SCAMP5: variants seen among roughly 807,000 people sequenced by gnomAD.
SCAMP5 encodes the protein secretory carrier membrane protein 5.
Under a neutral mutation model 28.3 loss-of-function variants are expected in SCAMP5, and 7 were observed. The ratio of observed to expected loss-of-function variants is 0.25; its 90% CI spans 0.14 to 0.46. SCAMP5 has a LOEUF of 0.46. Ranked by LOEUF, SCAMP5 falls within the 20% of genes least tolerant of loss-of-function variation. The pLI is 0.99. For synonymous variants in SCAMP5, 117 were observed against 116.4 expected (o/e 1.00, Z -0.03); for missense variants, 192 against 312.5 (o/e 0.61, Z 2.91).
intron 1 of SCAMP5, among the ~76,000 whole-genome samples, chr15:75,001,372 C>G (rs1318419879): frequency 6.6e-6 from 1 of 151,086 alleles, no homozygotes; most frequent in Non-Finnish European, 1.5e-5. Context: ...CCACAGCTTT[C>G]TGAGTCTGCT....
chr15:75,012,791 A>C lies in SCAMP5; in HGVS notation c.122A>C (p.Tyr41Ser). ...CATGTCAGCATGACCAAGCGCCTCT[A>C]CTACCTCTGGATGTGTGAGTGCCAT... is the stretch of plus-strand genomic sequence containing the variant. ...PQHVSMTKRL[Y>S]YLWMLNSVTL... Residue 41 changes from tyrosine to serine, a missense_variant, in exon 3 of 7, where the codon TAC becomes TCC. Transcript: ENST00000425597. The C allele has an allele frequency of 1.2e-6, 2 of 1,613,990 alleles. No homozygotes were observed. Among genetic ancestry groups the C allele is most frequent in the Non-Finnish European group, 1.7e-6 (2 of 1,179,868 alleles).
intron 1 of SCAMP5, among the ~76,000 whole-genome samples, chr15:75,000,945 C>T (rs2065700643): frequency 6.6e-6 from 1 of 151,936 alleles, no homozygotes; most frequent in African/African-American, 2.4e-5. Context: ...TTTCCCTGGC[C>T]AACTCCCTAT....
At chr15:75,012,238 G>A (rs1318112007) in intron 2 of SCAMP5, among the ~76,000 whole-genome samples, 3 of 152,190 alleles carry the variant, frequency 2.0e-5, no homozygotes, top group Non-Finnish European at 4.4e-5. Flanking sequence ...TTTAGGGACC[G>A]TGTAGCCCAG....
chr15:75,016,850 C>A (rs2065864282), intron 4 of SCAMP5, 101 bp downstream of exon 4: 2 of 1,054,382 alleles, frequency 1.9e-6, no homozygotes, highest in Non-Finnish European at 2.7e-6. Context: ...TTTTTACCCT[C>A]CCCCAAACTC....
In SCAMP5 at chr15:75,018,931, C is replaced by A; in HGVS notation, c.656C>A (p.Pro219His). ...MGAAQGAMNQ[P>H]QTQYSATPNY... is the part of the protein sequence containing the mutation. ...GCAGCCCAGGGTGCCATGAATCAGC[C>A]TCAGACTCAGTATTCCGCCACCCCC... Residue 219 changes from proline to histidine, a missense_variant, in exon 7 of 7, where the codon CCT becomes CAT. Pro to His is a moderately conservative substitution (Grantham distance 77). Transcript: ENST00000425597. The surrounding 1 kb of genome is among the most constrained non-coding windows in gnomAD (Gnocchi z 5.6). The A allele has an allele frequency of 6.4e-7, 1 of 1,560,740 alleles. No individual in the cohort carries two copies. The highest frequency in any genetic ancestry group is 8.6e-7 in the Non-Finnish European group (1 of 1,162,166).
Position 74,999,147 on chromosome 15 carries a change from C to G in SCAMP5, c.-49+3474C>G, listed in dbSNP as rs1049348790. On this transcript the variant is annotated intron_variant, in intron 1 of 6. Coordinates refer to ENST00000425597, the MANE Select transcript of SCAMP5 (RefSeq NM_138967.4). ...ATTGGCATGTGGCCACCTCTGAAAT[C>G]TTAAACTCTAGTATTTCTCTCTGAC... Among the ~76,000 whole-genome samples the G allele has an allele frequency of 7.2e-5, 11 of 152,184 alleles. No homozygotes were observed. In the East Asian group the frequency reaches 2.1e-3, roughly 29 times the overall value.
rs184034426 is a variant in SCAMP5, at chr15:75,010,370, G to T, written c.-48-1422G>T. ...ATCCACTCGGGGTTAAGTGGGCAGG[G>T]AGTCTTCCAATTGCTCCCTTTCCCC... is the stretch of plus-strand genomic sequence containing the variant. On this transcript the variant is annotated intron_variant, in intron 1 of 6. Transcript: ENST00000425597. Among the ~76,000 whole-genome samples, 449 of 152,278 alleles carry T rather than the reference G, an allele frequency of 2.9e-3. 2 individuals are homozygous for T. The highest frequency in any genetic ancestry group is 0.01 in the African/African-American group (425 of 41,552).
Position 75,019,054 on chromosome 15 carries a change from T to A in SCAMP5, c.*71T>A. 8.7e-7 allele frequency: 1 copy of A among 1,149,008 alleles called. No individual in the cohort carries two copies. The highest frequency in any genetic ancestry group is 2.7e-5 in the East Asian group (1 of 37,528). The allele number at this position is 1,149,008 out of a possible 1,614,324, so 71.2% of individuals were successfully genotyped here. ...GGGGCTCAAGCCACATCGTCATTTGTGGTTACCAAGCAGGGTTCCCCCTTC... is the reference window on the plus strand; with the variant it reads ...GGGGCTCAAGCCACATCGTCATTTGAGGTTACCAAGCAGGGTTCCCCCTTC... On this transcript the variant is annotated 3_prime_UTR_variant, in exon 7 of 7. Coordinates refer to ENST00000425597, the MANE Select transcript of SCAMP5 (RefSeq NM_138967.4).
At position 75,019,109 on chromosome 15, in the gene SCAMP5, G is replaced by A. The variant is rs1463742771; in HGVS notation, c.*126G>A. On this transcript the variant is annotated 3_prime_UTR_variant, in exon 7 of 7. Transcript: ENST00000425597. ...TTCTCCTTCCCTACTTTGTACAAAG[G>A]ACCAGAGTTATATATATATATATAT... 1 of 561,312 alleles carries A rather than the reference G, an allele frequency of 1.8e-6. No individual in the cohort carries two copies. Among genetic ancestry groups the A allele is most frequent in the African/African-American group, 2.0e-5 (1 of 49,072 alleles). The allele number at this position is 561,312 out of a possible 1,614,324, so 34.8% of individuals were successfully genotyped here. A position where few individuals can be genotyped will look rare whatever the true frequency, so the allele number is the denominator to read the frequency against.
At chr15:75,007,414 G>A (rs866682295) in intron 1 of SCAMP5, among the ~76,000 whole-genome samples, 1 of 152,068 alleles carries the variant, frequency 6.6e-6, no homozygotes. Flanking sequence ...TTGAGACAGG[G>A]TCTTGCTCTG....
At chr15:75,000,402 T>G (rs987146005) in intron 1 of SCAMP5, among the ~76,000 whole-genome samples, 4 of 151,820 alleles carry the variant, frequency 2.6e-5, no homozygotes, top group East Asian at 1.9e-4. Context: ...TTTTTTTTTT[T>G]GAGAGGGAGT....
At chr15:75,001,342 C>G (rs1221790091) in intron 1 of SCAMP5, among the ~76,000 whole-genome samples, 2 of 151,388 alleles carry the variant, frequency 1.3e-5, no homozygotes, top group African/African-American at 2.4e-5. Flanking sequence ...TAAGACAGAC[C>G]AGGGAGGTGT....
At chr15:75,011,172 C>T (rs1033275545) in intron 1 of SCAMP5, among the ~76,000 whole-genome samples, 3 of 152,024 alleles carry the variant, frequency 2.0e-5, no homozygotes, top group Non-Finnish European at 4.4e-5. Context: ...TACCACTGCA[C>T]TCCAGCCTGG....
intron 1 of SCAMP5, among the ~76,000 whole-genome samples, chr15:75,008,704 G>A (rs995725843): frequency 2.0e-5 from 3 of 152,054 alleles, no homozygotes; most frequent in Non-Finnish European, 4.4e-5. Flanking sequence ...GTTTCACCAT[G>A]TTGGCCAGGC....
At chr15:75,001,429 G>A (rs979130380) in intron 1 of SCAMP5, among the ~76,000 whole-genome samples, 17 of 152,032 alleles carry the variant, frequency 1.1e-4, no homozygotes, top group African/African-American at 3.9e-4. Flanking sequence ...TGATTTAGCT[G>A]GGTCCTGTAC....
At chr15:75,013,304 A>T (rs1280224345) in intron 3 of SCAMP5, among the ~76,000 whole-genome samples, 1 of 152,210 alleles carries the variant, frequency 6.6e-6, no homozygotes. Flanking sequence ...TTGCCTGGTC[A>T]CTGTGCTTGC....
Position 75,016,732 on chromosome 15 carries a change from C to CTA in SCAMP5, c.276_277insTA (p.Ile93Ter). 6.2e-7 allele frequency: 1 copy of CTA among 1,613,746 alleles called. No homozygotes were observed. The highest frequency in any genetic ancestry group is 8.5e-7 in the Non-Finnish European group (1 of 1,179,784). On this transcript the variant is annotated frameshift_variant, in exon 4 of 7. Transcript: ENST00000425597. LOFTEE classifies it high-confidence loss of function. ...GCTCCTACGTCTGCTGGTTTCGGCC[C>CTA]ATTTACAAGGCCTTCAAGTAAGTGG...
chr15:75,013,626 G>C (rs2065833626), intron 3 of SCAMP5, among the ~76,000 whole-genome samples: 1 of 152,130 alleles, frequency 6.6e-6, no homozygotes, highest in Admixed American at 6.5e-5. Context: ...AATGAGCCTA[G>C]GAGTTTGAGA....
intron 3 of SCAMP5, among the ~76,000 whole-genome samples, chr15:75,015,834 G>T (rs1853279079): frequency 6.7e-6 from 1 of 148,970 alleles, no homozygotes; most frequent in African/African-American, 2.5e-5. Flanking sequence ...GCTGAAGCAG[G>T]AGAATCGCTT....
Sources: gnomAD v4.1 joint callset for allele counts (sites outside exome capture counted in the v4.1 genomes callset) on GRCh38, gnomAD v4.1.1 for gene constraint, Gnocchi (gnomAD v3.1) non-coding constraint, MANE v1.5 for transcripts, NCBI Gene and HGNC (gene_info 2026-07-23, HGNC 2026-07-21) for gene names.